GALNT13: variants seen among roughly 807,000 people sequenced by gnomAD.
GALNT13 encodes the protein polypeptide N-acetylgalactosaminyltransferase 13.
In GALNT13, 28 loss-of-function variants were observed where a neutral mutation model predicts 64.2. That is an observed-to-expected ratio of 0.44 (90% CI 0.32 to 0.60). The LOEUF is 0.60. Ranked by LOEUF, GALNT13 falls within the 20% of genes least tolerant of loss-of-function variation. The pLI is 0.05. For synonymous variants in GALNT13, 214 were observed against 224.6 expected, an observed-to-expected ratio of 0.95 and a Z score of 0.42; for missense variants, 577 against 669.8, an observed-to-expected ratio of 0.86 and a Z score of 1.53.
At chr2:153,904,484 G>T (rs1166731257) in intron 2 of GALNT13, among the ~76,000 whole-genome samples, 1 of 151,758 alleles carries the variant, frequency 6.6e-6, no homozygotes, top group Non-Finnish European at 1.5e-5. Context: ...CTTTACCAAA[G>T]ATTAGTATAA....
the GALNT13 span, among the ~76,000 whole-genome samples, chr2:153,453,267 G>C: frequency 9.2e-5 from 14 of 152,064 alleles, no homozygotes; most frequent in African/African-American, 3.1e-4. Context: ...AAATTGACAA[G>C]TGGAATCTAA....
intron 3 of GALNT13, among the ~76,000 whole-genome samples, chr2:153,954,551 A>G (rs187074751): frequency 2.6e-5 from 4 of 151,566 alleles, no homozygotes; most frequent in Admixed American, 2.6e-4. Flanking sequence ...AGGAATAACA[A>G]TTAATTATAA....
At chr2:154,394,816 T>C (rs1235320170) in intron 9 of GALNT13, among the ~76,000 whole-genome samples, 3 of 152,334 alleles carry the variant, frequency 2.0e-5, no homozygotes, top group African/African-American at 7.2e-5. Flanking sequence ...CAATATTTTC[T>C]CTTGGAAGGA....
At chr2:153,076,985 T>C in the GALNT13 span, among the ~76,000 whole-genome samples, 2 of 152,064 alleles carry the variant, frequency 1.3e-5, no homozygotes, top group East Asian at 1.9e-4. Flanking sequence ...AGAGTCTTGC[T>C]CTTTTGCCCA....
the GALNT13 span, among the ~76,000 whole-genome samples, chr2:153,515,137 A>C: frequency 1.3e-5 from 2 of 152,072 alleles, no homozygotes; most frequent in Non-Finnish European, 2.9e-5. Flanking sequence ...AAATTGGTTC[A>C]CTGTCTTTTC....
the GALNT13 span, among the ~76,000 whole-genome samples, chr2:153,830,476 G>A: frequency 0.019 from 2,828 of 152,206 alleles, 91 homozygotes; most frequent in African/African-American, 0.065. Flanking sequence ...TGTCAGCTGA[G>A]CATGGGAATG....
intron 3 of GALNT13, among the ~76,000 whole-genome samples, chr2:154,125,602 A>G (rs1682215313): frequency 6.6e-6 from 1 of 152,208 alleles, no homozygotes. Context: ...AAAAAAGTGG[A>G]GCAAAGAGGA....
At chr2:153,192,841 A>C in the GALNT13 span, among the ~76,000 whole-genome samples, 1 of 151,864 alleles carries the variant, frequency 6.6e-6, no homozygotes, top group Non-Finnish European at 1.5e-5. Flanking sequence ...TTCTGTTTGC[A>C]TAGAATATTT....
At chr2:153,839,068 A>G in the GALNT13 span, among the ~76,000 whole-genome samples, 2 of 151,762 alleles carry the variant, frequency 1.3e-5, no homozygotes, top group Non-Finnish European at 2.9e-5. Context: ...TCTTTTGGGT[A>G]GTGTGTTGTA....
the GALNT13 span, among the ~76,000 whole-genome samples, chr2:153,401,061 T>C: frequency 6.6e-6 from 1 of 151,822 alleles, no homozygotes; most frequent in East Asian, 1.9e-4. Context: ...TTGTGGGCAT[T>C]TAGTGCTATA....
At chr2:154,437,425 G>T in intron 11 of GALNT13, 2 of 671,544 alleles carry the variant, frequency 3.0e-6, no homozygotes, top group Non-Finnish European at 4.1e-6. Context: ...ATATCTTTGA[G>T]AAACAAAAAG....
chr2:154,363,567 C>G (rs1697197942), intron 9 of GALNT13, among the ~76,000 whole-genome samples: 1 of 152,004 alleles, frequency 6.6e-6, no homozygotes, highest in Admixed American at 6.6e-5. Flanking sequence ...AAACCACATT[C>G]TAAAATATGA....
intron 7 of GALNT13, among the ~76,000 whole-genome samples, chr2:154,249,230 A>G (rs1396090184): frequency 1.3e-5 from 2 of 152,188 alleles, no homozygotes; most frequent in East Asian, 1.9e-4. Context: ...AAACTGTTCT[A>G]TTTGTATTCC....
At chr2:153,792,902 C>G in the GALNT13 span, among the ~76,000 whole-genome samples, 1 of 151,648 alleles carries the variant, frequency 6.6e-6, no homozygotes, top group Admixed American at 6.6e-5. Flanking sequence ...CTAACAGAAA[C>G]ATACTAGGTC....
rs1433027971 is a variant in GALNT13, at chr2:154,036,712, A to G, written c.142+92073A>G. ...ATGCATTGTTACTTTGACCTCTACA[A>G]CCTAACAAATATCTGCCCTCTAATC... On this transcript the variant is annotated intron_variant, in intron 3 of 12. Transcript: ENST00000392825. Among the ~76,000 whole-genome samples, 3 of 152,104 alleles carry G rather than the reference A, an allele frequency of 2.0e-5. No homozygotes were observed. In the East Asian group the frequency reaches 5.8e-4, roughly 29 times the overall value.
the GALNT13 span, among the ~76,000 whole-genome samples, chr2:153,829,005 C>T: frequency 1.3e-5 from 2 of 152,162 alleles, no homozygotes; most frequent in Non-Finnish European, 2.9e-5. Context: ...GTCACCTTTG[C>T]TCCAGTTCCC....
the GALNT13 span, among the ~76,000 whole-genome samples, chr2:153,440,191 A>G: frequency 6.6e-6 from 1 of 151,988 alleles, no homozygotes; most frequent in Non-Finnish European, 1.5e-5. Context: ...ATGAGTGAGA[A>G]CATGCATTGT....
chr2:153,410,378 G>A, the GALNT13 span, among the ~76,000 whole-genome samples: 2 of 152,140 alleles, frequency 1.3e-5, no homozygotes, highest in South Asian at 4.1e-4. Flanking sequence ...TTACAGGCAT[G>A]AGCCACCACA....
At chr2:153,199,492 G>T in the GALNT13 span, among the ~76,000 whole-genome samples, 7 of 152,244 alleles carry the variant, frequency 4.6e-5, no homozygotes, top group Admixed American at 2.6e-4. Flanking sequence ...TCCTGGGCTG[G>T]TCTTAAGCCA....
Sources: gnomAD v4.1 joint callset for allele counts (sites outside exome capture counted in the v4.1 genomes callset) on GRCh38, gnomAD v4.1.1 for gene constraint, MANE v1.5 for transcripts, NCBI Gene and HGNC (gene_info 2026-07-23, HGNC 2026-07-21) for gene names.